Variants in ZNF783 observed in about 807,000 individuals in gnomAD.
ZNF783 encodes the protein protein ZNF783.
In ZNF783, 25 loss-of-function variants were observed where a neutral mutation model predicts 31.3. That is an observed-to-expected ratio of 0.80 (90% CI 0.58 to 1.11). The LOEUF (loss-of-function observed/expected upper bound fraction) is 1.11. ZNF783 is among the 50% of genes most tolerant of loss of function. ZNF783 has a pLI of 0.00. For synonymous variants in ZNF783, 369 were observed against 319.1 expected (o/e 1.16, Z -1.66); for missense variants, 797 against 760.0 (o/e 1.05, Z -0.57).
intron 4 of ZNF783, among the ~76,000 whole-genome samples, chr7:149,268,497 C>T (rs1053544895): frequency 6.6e-6 from 1 of 152,140 alleles, no homozygotes; most frequent in African/African-American, 2.4e-5. Flanking sequence ...AAAATTTCAA[C>T]TTTTAATTTG....
intron 5 of ZNF783, among the ~76,000 whole-genome samples, chr7:149,280,889 A>C (rs1718324364): frequency 6.6e-6 from 1 of 152,004 alleles, no homozygotes; most frequent in Non-Finnish European, 1.5e-5. Flanking sequence ...CCTCCACCCA[A>C]CCTGGGAGTT....
At chr7:149,270,300 TG>T (rs1232631548) in intron 4 of ZNF783, among the ~76,000 whole-genome samples, 1 of 152,236 alleles carries the variant, frequency 6.6e-6, no homozygotes, top group Non-Finnish European at 1.5e-5. Flanking sequence ...GGCTAATTTT[TG>T]TATTTTTTCG....
At chr7:149,274,452 G>A (rs1585615490) in intron 4 of ZNF783, among the ~76,000 whole-genome samples, 1 of 150,688 alleles carries the variant, frequency 6.6e-6, no homozygotes, top group East Asian at 2.0e-4. Context: ...TGCAACCTCC[G>A]CCTTGCAGGC....
chr7:149,266,776 C>T, intron 2 of ZNF783, 43 bp from the exon 3 acceptor site: 3 of 1,613,806 alleles, frequency 1.9e-6, no homozygotes, highest in Non-Finnish European at 2.5e-6. Context: ...GGGGCTGAGC[C>T]TGTGAGCGTG....
chr7:149,266,961 G>A lies in ZNF783; in HGVS notation c.547+16G>A, dbSNP rs758992470. On this transcript the variant is annotated intron_variant, in intron 3 of 5. Coordinates refer to ENST00000434415, the MANE Select transcript of ZNF783 (RefSeq NM_001195220.2). The stretch of plus-strand genomic sequence containing the variant: ...GTCTCCCTGGGTAAGGCCACGGAGG[G>A]AGGATCTGGGCCTCTGTCCACAGGT... The A allele has an allele frequency of 6.2e-6, 10 of 1,613,960 alleles. No homozygotes were observed. The African/African-American group carries it at 9.3e-5, about 15-fold the overall frequency.
intron 5 of ZNF783, among the ~76,000 whole-genome samples, chr7:149,279,161 T>G (rs1797400952): frequency 6.6e-6 from 1 of 152,248 alleles, no homozygotes; most frequent in Non-Finnish European, 1.5e-5. Flanking sequence ...TTGCTTTCCC[T>G]GTGGTGATTT....
At position 149,281,790 on chromosome 7, in the gene ZNF783, A is replaced by G. The variant is rs758063639; in HGVS notation, c.1088A>G (p.Asn363Ser). ...DCGQSFRLKI[N>S]LTIHQRTHVE... is the part of the protein sequence containing the mutation. ...GGGCAGAGCTTCCGCCTGAAGATCA[A>G]TCTGACGATTCATCAGCGGACCCAT... is the stretch of plus-strand genomic sequence containing the variant. Residue 363 changes from asparagine to serine, a missense_variant, in exon 6 of 6, where the codon AAT (asparagine) becomes AGT (serine). Transcript: ENST00000434415. 6.6e-6 allele frequency: 10 copies of G among 1,516,690 alleles called. No homozygotes were observed. The Admixed American group carries it at 1.1e-4, about 16-fold the overall frequency. The allele number at this position is 1,516,690 out of a possible 1,614,324, so 94.0% of individuals were successfully genotyped here. A position where few individuals can be genotyped will look rare whatever the true frequency, so the allele number is the denominator to read the frequency against.
intron 1 of ZNF783, among the ~76,000 whole-genome samples, chr7:149,263,131 G>A (rs1368791981): frequency 6.6e-6 from 1 of 151,828 alleles, no homozygotes; most frequent in African/African-American, 2.4e-5. Context: ...GTTTCACTAT[G>A]TTGGCCAGGC....
chr7:149,265,604 C>T (rs1489192375), intron 1 of ZNF783, among the ~76,000 whole-genome samples: 6 of 152,206 alleles, frequency 3.9e-5, no homozygotes, highest in African/African-American at 9.6e-5. Context: ...AATTGCCTCC[C>T]AGAAGCTCCA....
rs371712803 is a variant in ZNF783, at chr7:149,263,033, A to G, written c.24+676A>G. 5.3e-5 allele frequency among the ~76,000 whole-genome samples: 8 copies of G among 151,442 alleles called. No individual in the cohort carries two copies. The East Asian group carries it at 9.7e-4, about 18-fold the overall frequency. On this transcript the variant is annotated intron_variant, in intron 1 of 5. Transcript: ENST00000434415. ...AAGCTCCGCCTCCCGGCTTCAAGGGATTCTCCTGCCTCAGCCTCCCAAGTA... is the reference window on the plus strand; with the variant it reads ...AAGCTCCGCCTCCCGGCTTCAAGGGGTTCTCCTGCCTCAGCCTCCCAAGTA...
Position 149,266,824 on chromosome 7 carries a change from C to T in ZNF783, c.426C>T (p.Pro142=), listed in dbSNP as rs549007536. ...PGSKGEAPKV[P]VTFDDVAVYF... ...TGCGACACTTATGGTTCCAGGTGCC[C>T]GTGACCTTCGATGATGTGGCCGTGT... The change falls in exon 3 of 6, where the codon CCC becomes CCT. Residue 142 remains proline, a synonymous_variant. Transcript: ENST00000434415. The T allele has an allele frequency of 8.1e-6, 13 of 1,613,902 alleles. No homozygotes were observed. Among genetic ancestry groups the T allele is most frequent in the African/African-American group, 2.7e-5 (2 of 74,952 alleles).
rs747582497 is a variant in ZNF783 at position 149,281,684 on chromosome 7, C to A, written c.982C>A (p.Pro328Thr). 1 of 1,500,348 alleles carries A rather than the reference C, an allele frequency of 6.7e-7. No homozygotes were observed. Among genetic ancestry groups the A allele is most frequent in the East Asian group, 2.4e-5 (1 of 42,160 alleles). The allele number at this position is 1,500,348 out of a possible 1,614,324, so 92.9% of individuals were successfully genotyped here. Residue 328 changes from proline to threonine, a missense_variant, in exon 6 of 6, where the codon CCA becomes ACA. Pro to Thr is a conservative substitution (Grantham distance 38). Transcript: ENST00000434415. ...CATGCCCAGGGTGCGGGCAGGGGAG[C>A]CACGGCCACCGGGGGCCAGTGGGGA... ...QGMPRVRAGE[P>T]RPPGASGETP...
intron 4 of ZNF783, among the ~76,000 whole-genome samples, chr7:149,269,899 C>G (rs984698536): frequency 6.7e-6 from 1 of 149,256 alleles, no homozygotes. Context: ...CAGTTCCCAC[C>G]TATGAGTGAG....
chr7:149,268,686 G>A (rs1327054520), intron 4 of ZNF783, among the ~76,000 whole-genome samples: 4 of 152,176 alleles, frequency 2.6e-5, no homozygotes, highest in African/African-American at 9.7e-5. Context: ...CCAGTTATAA[G>A]TGAGAACATG....
chr7:149,280,353 A>G (rs1174995644), intron 5 of ZNF783, among the ~76,000 whole-genome samples: 1 of 150,858 alleles, frequency 6.6e-6, no homozygotes, highest in East Asian at 2.0e-4. Context: ...GGCCTGGGGA[A>G]GAAGGGCGGA....
chr7:149,279,254 G>C (rs1229345611), intron 5 of ZNF783, among the ~76,000 whole-genome samples: 1 of 152,228 alleles, frequency 6.6e-6, no homozygotes, highest in African/African-American at 2.4e-5. Flanking sequence ...TCTGCTCATG[G>C]AGTTGGAGAG....
chr7:149,262,679 G>T (rs898964716), intron 1 of ZNF783, among the ~76,000 whole-genome samples: 3 of 152,002 alleles, frequency 2.0e-5, no homozygotes, highest in Non-Finnish European at 2.9e-5. Context: ...AGGCCTCGCG[G>T]CCCCCCCTAC....
intron 4 of ZNF783, 115 bp from the exon 5 acceptor site, chr7:149,278,284 T>A: frequency 6.6e-7 from 1 of 1,512,330 alleles, no homozygotes; most frequent in Admixed American, 2.0e-5. Context: ...TCATGCCCTG[T>A]GCTGGAGCTG....
rs767983719 is a variant in ZNF783, at chr7:149,267,217, G to A, written c.668G>A (p.Gly223Asp). 1 of 1,593,270 alleles carries A rather than the reference G, an allele frequency of 6.3e-7. No individual in the cohort carries two copies. The highest frequency in any genetic ancestry group is 8.5e-7 in the Non-Finnish European group (1 of 1,176,756). ...GAGGTGGGACGTCCAAGGATGATGG[G>A]CACTGGTAAGTATAGGAGCCAGATG... ...EVEVGRPRMM[G>D]TGLPPYPEHL... The change falls in exon 4 of 6, where the codon GGC becomes GAC. Residue 223 changes from glycine to aspartate, a missense_variant. Physicochemically the swap from Gly to Asp is moderately conservative, Grantham distance 94 (BLOSUM62 -1). Coordinates refer to ENST00000434415, the MANE Select transcript of ZNF783 (RefSeq NM_001195220.2).
Sources: allele counts gnomAD v4.1 joint callset (sites outside exome capture counted in the v4.1 genomes callset), GRCh38; gene constraint gnomAD v4.1.1; transcripts MANE v1.5; gene names NCBI Gene and HGNC (gene_info 2026-07-23, HGNC 2026-07-21).